Variants in TMEM178B observed in about 807,000 individuals in gnomAD.
TMEM178B encodes transmembrane protein 178B.
A neutral mutation model predicts 31.0 loss-of-function variants in TMEM178B; 5 were observed. The observed-to-expected ratio is 0.16, with a 90% CI of 0.08 to 0.34. The LOEUF (loss-of-function observed/expected upper bound fraction) is 0.34, where lower values mean the gene tolerates loss of function less well. TMEM178B is among the 10% of genes least tolerant of loss of function. The pLI, the probability that TMEM178B is intolerant of heterozygous loss-of-function variation, is 1.00. For synonymous variants in TMEM178B, 164 were observed against 164.0 expected (o/e 1.00, Z 0.00); for missense variants, 275 against 400.3 (o/e 0.69, Z 2.67).
chr7:141,223,079 C>A (rs1473653581), intron 2 of TMEM178B, among the ~76,000 whole-genome samples: 1 of 152,120 alleles, frequency 6.6e-6, no homozygotes, highest in Non-Finnish European at 1.5e-5. Flanking sequence ...CCAAAAGACT[C>A]GCCTGTCTAG....
intron 2 of TMEM178B, among the ~76,000 whole-genome samples, chr7:141,328,898 A>C (rs763378797): frequency 6.6e-6 from 1 of 151,124 alleles, no homozygotes; most frequent in Admixed American, 6.6e-5. Flanking sequence ...GTTTCTGTGA[A>C]TAGCTCAAGG....
chr7:141,184,334 C>T (rs1156976884), intron 1 of TMEM178B, among the ~76,000 whole-genome samples: 4 of 152,126 alleles, frequency 2.6e-5, no homozygotes, highest in Non-Finnish European at 5.9e-5. Context: ...GTCCTTCCTC[C>T]CCCACTGTTA....
At chr7:141,235,116 C>A (rs1797507025) in intron 2 of TMEM178B, among the ~76,000 whole-genome samples, 1 of 152,196 alleles carries the variant, frequency 6.6e-6, no homozygotes, top group African/African-American at 2.4e-5. Flanking sequence ...ACATTGGCCT[C>A]TATGGCGAAT....
chr7:141,218,173 G>A (rs564415157), intron 2 of TMEM178B, among the ~76,000 whole-genome samples: 10 of 152,100 alleles, frequency 6.6e-5, no homozygotes, highest in Non-Finnish European at 1.3e-4. Flanking sequence ...AGGCAGAACA[G>A]GCTTCTCATC....
At chr7:141,246,021 A>G (rs1486506821) in intron 2 of TMEM178B, among the ~76,000 whole-genome samples, 1 of 152,130 alleles carries the variant, frequency 6.6e-6, no homozygotes, top group African/African-American at 2.4e-5. Context: ...CCTGAATTCC[A>G]ACCAAACCTG....
intron 1 of TMEM178B, among the ~76,000 whole-genome samples, chr7:141,167,360 C>T (rs1349187618): frequency 6.6e-6 from 1 of 152,256 alleles, no homozygotes; most frequent in Non-Finnish European, 1.5e-5. Flanking sequence ...ATAGGACACT[C>T]TGTCTTGCGT....
intron 2 of TMEM178B, among the ~76,000 whole-genome samples, chr7:141,213,433 C>T (rs1372363102): frequency 6.6e-6 from 1 of 152,168 alleles, no homozygotes; most frequent in Admixed American, 6.5e-5. Context: ...CTGCTTCCTG[C>T]AGGCACAGTT....
chr7:141,097,447 T>C (rs1418762805), intron 1 of TMEM178B, among the ~76,000 whole-genome samples: 1 of 151,668 alleles, frequency 6.6e-6, no homozygotes, highest in Non-Finnish European at 1.5e-5. Context: ...GTAATCTGTA[T>C]GTATTTATAA....
At chr7:141,445,685 G>A (rs1229797106) in intron 3 of TMEM178B, among the ~76,000 whole-genome samples, 1 of 152,144 alleles carries the variant, frequency 6.6e-6, no homozygotes, top group Non-Finnish European at 1.5e-5. Context: ...CTATGAGACA[G>A]GCTTACAATA....
chr7:141,328,685 C>A (rs1298356675), intron 2 of TMEM178B, among the ~76,000 whole-genome samples: 5 of 152,220 alleles, frequency 3.3e-5, no homozygotes, highest in African/African-American at 1.2e-4. Context: ...AAGCTGTTGT[C>A]ACAAATCTTC....
rs533826413 is a variant in TMEM178B at position 141,382,242 on chromosome 7, A to T, written c.497-55366A>T. 8.4e-4 allele frequency among the ~76,000 whole-genome samples: 127 copies of T among 151,952 alleles called. 1 individual carries two copies. Among genetic ancestry groups the T allele is most frequent in the Non-Finnish European group, 1.5e-3 (104 of 67,966 alleles). On this transcript the variant is annotated intron_variant, in intron 2 of 3. Transcript: ENST00000565468. ...CTATTACGCTTAGGTCAATATCCAG[A>T]CTCCTCATTATGAATCATTAGGCAC...
intron 1 of TMEM178B, among the ~76,000 whole-genome samples, chr7:141,080,722 G>C (rs554164989): frequency 6.6e-6 from 1 of 152,320 alleles, no homozygotes; most frequent in South Asian, 2.1e-4. Context: ...GAAGCGCAAA[G>C]GGGAAGAATG....
At position 141,254,489 on chromosome 7, in the gene TMEM178B, G is replaced by A. The variant is rs190595287; in HGVS notation, c.496+41785G>A. Among the ~76,000 whole-genome samples, 639 of 152,198 alleles carry A rather than the reference G, an allele frequency of 4.2e-3. 4 individuals carry two copies. The highest frequency in any genetic ancestry group is 0.01 in the Admixed American group (155 of 15,298). On this transcript the variant is annotated intron_variant, in intron 2 of 3. Coordinates refer to ENST00000565468, the MANE Select transcript of TMEM178B (RefSeq NM_001195278.2). ...TCCCAGCACTCTGGAAGGCCGAGGC[G>A]GGTGGATCACCTGAGGTCAGGAGTT...
intron 1 of TMEM178B, among the ~76,000 whole-genome samples, chr7:141,169,853 A>C (rs1796320882): frequency 6.6e-6 from 1 of 152,252 alleles, no homozygotes; most frequent in East Asian, 1.9e-4. Context: ...AAGAAAGATA[A>C]AAAATTCACC....
chr7:141,280,762 T>A (rs183656146), intron 2 of TMEM178B, among the ~76,000 whole-genome samples: 7 of 152,114 alleles, frequency 4.6e-5, no homozygotes, highest in African/African-American at 1.7e-4. Flanking sequence ...AGGTTCTGAT[T>A]CCACGGGTCT....
intron 2 of TMEM178B, among the ~76,000 whole-genome samples, chr7:141,420,078 CTTA>C (rs1397364548): frequency 6.6e-6 from 1 of 152,144 alleles, no homozygotes; most frequent in African/African-American, 2.4e-5. Context: ...TAGATGTCAC[CTTA>C]TTGAGAGCGC....
chr7:141,154,274 AC>A (rs1217727353), intron 1 of TMEM178B, among the ~76,000 whole-genome samples: 1 of 152,218 alleles, frequency 6.6e-6, no homozygotes, highest in Non-Finnish European at 1.5e-5. Flanking sequence ...AACATGTATT[AC>A]CAAGAGATCA....
intron 1 of TMEM178B, among the ~76,000 whole-genome samples, chr7:141,175,997 G>A (rs1796427357): frequency 6.6e-6 from 1 of 152,138 alleles, no homozygotes; most frequent in African/African-American, 2.4e-5. Context: ...ATACTATGTT[G>A]AATAGGAGTG....
chr7:141,371,463 C>A (rs1800115315), intron 2 of TMEM178B, among the ~76,000 whole-genome samples: 1 of 152,178 alleles, frequency 6.6e-6, no homozygotes, highest in African/African-American at 2.4e-5. Context: ...GAACCAGAAG[C>A]CAAACAAACC....
Sources: gnomAD v4.1 joint callset for allele counts (sites outside exome capture counted in the v4.1 genomes callset) on GRCh38, gnomAD v4.1.1 for gene constraint, MANE v1.5 for transcripts, NCBI Gene and HGNC (gene_info 2026-07-23, HGNC 2026-07-21) for gene names.